The following CFH variants were observed in gnomAD, a reference collection of about 807,000 sequenced individuals.
CFH encodes H factor 1 (complement).
A neutral mutation model predicts 147.3 loss-of-function variants in CFH; 53 were observed. The ratio of observed to expected loss-of-function variants is 0.36; its 90% CI spans 0.29 to 0.45. CFH has a LOEUF of 0.45. Among genes scored for constraint, CFH ranks in the 20% least tolerant of loss-of-function variants. The pLI is 1.00. For synonymous variants in CFH, 536 were observed against 489.4 expected, an observed-to-expected ratio of 1.10 and a Z score of -1.26; for missense variants, 1,380 against 1,498.0, an observed-to-expected ratio of 0.92 and a Z score of 1.30.
Position 196,685,344 on chromosome 1 carries a change from A to C in CFH, c.964+107A>C, listed in dbSNP as rs1193133927. Reference sequence around the variant, plus strand: ...CAAATATTTGTCTTATTGTATATACAAAGTAAGGCTGTTGGAAGCATTCTT... The same window carrying C: ...CAAATATTTGTCTTATTGTATATACCAAGTAAGGCTGTTGGAAGCATTCTT... On this transcript the variant is annotated intron_variant, in intron 7 of 21. Coordinates refer to ENST00000367429, the MANE Select transcript of CFH (RefSeq NM_000186.4). 2.6e-6 allele frequency: 3 copies of C among 1,163,416 alleles called. No individual in the cohort carries two copies. In the African/African-American group the frequency reaches 4.6e-5, roughly 18 times the overall value. 72.1% of individuals were successfully genotyped at this position (1,163,416 alleles called of 1,614,324 possible).
At chr1:196,698,239 C>G (rs981150847) in intron 9 of CFH, among the ~76,000 whole-genome samples, 1 of 151,878 alleles carries the variant, frequency 6.6e-6, no homozygotes, top group African/African-American at 2.4e-5. Context: ...TCAGAGCAGA[C>G]CTGGAGATAG....
chr1:196,745,881 G>A lies in CFH; in HGVS notation c.3375G>A (p.Leu1125=), dbSNP rs775694339. The part of the protein sequence containing the change: ...IDNGDITSFP[L]SVYAPASSVE... Reference sequence around the variant, plus strand: ...ATGGGGACATTACTTCATTCCCGTTGTCAGTATATGCTCCAGCTTCATCAG... The same window carrying A: ...ATGGGGACATTACTTCATTCCCGTTATCAGTATATGCTCCAGCTTCATCAG... Residue 1125 remains leucine (L), a synonymous_variant, in exon 21 of 22, where the codon TTG becomes TTA. Transcript: ENST00000367429. 1 of 1,614,008 alleles carries A rather than the reference G, an allele frequency of 6.2e-7. No individual in the cohort carries two copies. The highest frequency in any genetic ancestry group is 8.5e-7 in the Non-Finnish European group (1 of 1,180,042).
intron 6 of CFH, 27 bp downstream of exon 6, chr1:196,679,820 T>C: frequency 6.3e-7 from 1 of 1,581,196 alleles, no homozygotes; most frequent in Admixed American, 1.7e-5. Context: ...TTTCTGGATC[T>C]TTATAAATTT....
intron 1 of CFH, among the ~76,000 whole-genome samples, chr1:196,664,523 G>T (rs1667013450): frequency 6.6e-6 from 1 of 152,138 alleles, no homozygotes; most frequent in South Asian, 2.1e-4. Flanking sequence ...CATAAAAGGA[G>T]TCATAGACAA....
intron 11 of CFH, among the ~76,000 whole-genome samples, chr1:196,717,096 A>G (rs1411934454): frequency 1.3e-5 from 2 of 152,092 alleles, no homozygotes; most frequent in African/African-American, 4.8e-5. Flanking sequence ...CCAGAGAAAC[A>G]GGAGAAAAAA....
chr1:196,732,674 CG>C (rs1558181537), intron 15 of CFH, among the ~76,000 whole-genome samples: 1 of 152,004 alleles, frequency 6.6e-6, no homozygotes, highest in East Asian at 1.9e-4. Context: ...AGTCTTTGTG[CG>C]GACTGCTGTC....
intron 15 of CFH, among the ~76,000 whole-genome samples, chr1:196,734,578 T>C (rs1431482610): frequency 6.6e-6 from 1 of 151,998 alleles, no homozygotes; most frequent in African/African-American, 2.4e-5. Flanking sequence ...CTTTAGGGGG[T>C]TGCAGGAGGC....
intron 15 of CFH, 95 bp from the exon 16 acceptor site, chr1:196,736,729 A>G: frequency 3.9e-6 from 2 of 510,772 alleles, no homozygotes; most frequent in Non-Finnish European, 5.6e-6. Flanking sequence ...TTCTATTTTA[A>G]TCATATAAAT....
intron 6 of CFH, among the ~76,000 whole-genome samples, chr1:196,682,790 T>C (rs1416151487): frequency 4.2e-4 from 63 of 151,644 alleles, no homozygotes; most frequent in Admixed American, 4.2e-3. Flanking sequence ...TTAAAACTTG[T>C]ATATTAAGTC....
chr1:196,661,512 G>C (rs754456526), intron 1 of CFH, among the ~76,000 whole-genome samples: 19 of 152,266 alleles, frequency 1.2e-4, no homozygotes, highest in Non-Finnish European at 2.5e-4. Flanking sequence ...CTGGTTCATA[G>C]ACAGTGCCTT....
rs774941489 is a variant in CFH, at chr1:196,665,393, G to A, written c.59-7585G>A. 3.4e-4 allele frequency among the ~76,000 whole-genome samples: 51 copies of A among 150,314 alleles called. No individual in the cohort carries two copies. The East Asian group carries it at 4.3e-3, about 13-fold the overall frequency. ...AAAATAAATATAATTATAGATAGAT[G>A]GCACTAAGATAATAGTAAGTTAAAA... On this transcript the variant is annotated intron_variant, in intron 1 of 21. Transcript: ENST00000367429.
intron 11 of CFH, among the ~76,000 whole-genome samples, chr1:196,718,707 G>C (rs529223498): frequency 1.3e-5 from 2 of 152,168 alleles, no homozygotes; most frequent in African/African-American, 4.8e-5. Context: ...TGAATATATT[G>C]CTTCAGTAGT....
intron 9 of CFH, among the ~76,000 whole-genome samples, chr1:196,702,877 C>T (rs1309954762): frequency 7.2e-5 from 11 of 152,030 alleles, no homozygotes; most frequent in Admixed American, 4.6e-4. Flanking sequence ...GATGGTCAAG[C>T]AGAAGCCTAA....
intron 12 of CFH, 106 bp from the exon 13 acceptor site, chr1:196,726,364 T>C: frequency 2.4e-6 from 2 of 842,446 alleles, no homozygotes. Context: ...ATAAGTTACA[T>C]AATGAAGAAT....
At chr1:196,661,074 G>T (rs1558149578) in intron 1 of CFH, among the ~76,000 whole-genome samples, 1 of 152,090 alleles carries the variant, frequency 6.6e-6, no homozygotes, top group Non-Finnish European at 1.5e-5. Flanking sequence ...CTTTTGTGCG[G>T]AAGGGGCCGG....
intron 1 of CFH, among the ~76,000 whole-genome samples, chr1:196,661,452 C>CT (rs1666901656): frequency 6.6e-6 from 1 of 152,156 alleles, no homozygotes; most frequent in African/African-American, 2.4e-5. Context: ...GCTAGAAAGT[C>CT]TAACAGCAAG....
rs768874309 is a variant in CFH at position 196,652,161 on chromosome 1, T to C, written c.44T>C (p.Ile15Thr). 6.2e-6 allele frequency: 10 copies of C among 1,611,526 alleles called. No individual in the cohort carries two copies. In the East Asian group the frequency reaches 1.8e-4, roughly 29 times the overall value. ...ATTATTTGCCTTATGTTATGGGCTA[T>C]TTGTGTAGCAGAAGGTAAGATTAAA... The part of the protein sequence containing the change: ...AKIICLMLWA[I>T]CVAEDCNELP... Residue 15 changes from isoleucine (I) to threonine (T), a missense_variant, in exon 1 of 22, where the codon ATT becomes ACT. Coordinates refer to ENST00000367429, the MANE Select transcript of CFH (RefSeq NM_000186.4).
intron 6 of CFH, among the ~76,000 whole-genome samples, chr1:196,684,389 T>C (rs1350320307): frequency 6.6e-6 from 1 of 152,024 alleles, no homozygotes; most frequent in African/African-American, 2.4e-5. Context: ...AGTATCTCAA[T>C]GTTTAAGATA....
At position 196,740,651 on chromosome 1, in the gene CFH, C is replaced by T. The variant is rs778348470; in HGVS notation, c.2815C>T (p.His939Tyr). The T allele has an allele frequency of 1.2e-6, 2 of 1,613,448 alleles. No homozygotes were observed. Among genetic ancestry groups the T allele is most frequent in the South Asian group, 1.1e-5 (1 of 91,026 alleles). The part of the protein sequence containing the change: ...LPCKSPPEIS[H>Y]GVVAHMSDSY... ...TTGTAAATCTCCACCTGAGATTTCT[C>T]ATGGTGTTGTAGCTCACATGTCAGA... The change falls in exon 18 of 22, where the codon CAT becomes TAT. Residue 939 changes from histidine (H) to tyrosine (Y), a missense_variant. Physicochemically the swap from His to Tyr is moderately conservative, Grantham distance 83. Transcript: ENST00000367429.
Sources: allele counts gnomAD v4.1 joint callset (sites outside exome capture counted in the v4.1 genomes callset), GRCh38; gene constraint gnomAD v4.1.1; transcripts MANE v1.5; gene names NCBI Gene and HGNC (gene_info 2026-07-23, HGNC 2026-07-21).